PDS5B: variants seen among roughly 807,000 people sequenced by gnomAD.
PDS5B encodes the protein PDS5 cohesin associated factor B, also known as sister chromatid cohesion protein PDS5 homolog B.
PDS5B carries 51 observed loss-of-function variants against 184.1 expected under a neutral mutation model. The observed-to-expected ratio is 0.28, with a 90% CI of 0.22 to 0.35. The LOEUF (loss-of-function observed/expected upper bound fraction) is 0.35. PDS5B is among the 10% of genes least tolerant of loss of function. The pLI is 1.00. For missense variants in PDS5B, 1,180 were observed against 1,723.3 expected (o/e 0.68, Z 5.58); for synonymous variants, 566 against 569.2 (o/e 0.99, Z 0.08).
intron 19 of PDS5B, among the ~76,000 whole-genome samples, chr13:32,717,027 A>G (rs2140911609): frequency 7.5e-6 from 1 of 134,204 alleles, no homozygotes; most frequent in East Asian, 2.2e-4. Context: ...TGGGGGGGTC[A>G]GCCCCCCGCC....
chr13:32,604,074 T>C (rs190043225), intron 1 of PDS5B, among the ~76,000 whole-genome samples: 13 of 152,340 alleles, frequency 8.5e-5, no homozygotes, highest in Admixed American at 2.0e-4. Flanking sequence ...TATTTCTTTC[T>C]CTTGCCTGAT....
At chr13:32,640,901 CA>C (rs1436583426) in intron 1 of PDS5B, among the ~76,000 whole-genome samples, 1 of 151,384 alleles carries the variant, frequency 6.6e-6, no homozygotes, top group Non-Finnish European at 1.5e-5. Context: ...AAAAAAAATA[CA>C]AAAAATTAGC....
chr13:32,655,937 T>C (rs564606350), intron 3 of PDS5B, among the ~76,000 whole-genome samples: 3 of 152,298 alleles, frequency 2.0e-5, no homozygotes, highest in South Asian at 2.1e-4. Flanking sequence ...TAGGTCATCT[T>C]CCAGGGATTT....
rs527835508 is a variant in PDS5B at position 32,749,378 on chromosome 13, T to C, written c.2736+3278T>C. On this transcript the variant is annotated intron_variant, in intron 24 of 34. Transcript: ENST00000315596. ...GGACTATGCTTTGCGCTTTAGTACA[T>C]GTACTTTATTTCTTGAGGCTCTTTA... 2.6e-5 allele frequency among the ~76,000 whole-genome samples: 4 copies of C among 152,372 alleles called. No homozygotes were observed. The South Asian group carries it at 6.2e-4, about 24-fold the overall frequency.
At chr13:32,616,372 A>T (rs555700999) in intron 1 of PDS5B, among the ~76,000 whole-genome samples, 1 of 152,190 alleles carries the variant, frequency 6.6e-6, no homozygotes, top group African/African-American at 2.4e-5. Context: ...TCTCTTTAAA[A>T]TTTTTTTATA....
At chr13:32,711,791 CAT>C (rs1277227557) in intron 19 of PDS5B, among the ~76,000 whole-genome samples, 3 of 152,184 alleles carry the variant, frequency 2.0e-5, no homozygotes, top group African/African-American at 4.8e-5. Flanking sequence ...GTCGCACACA[CAT>C]ATGTAGTACG....
At chr13:32,634,626 C>T (rs1319261153) in intron 1 of PDS5B, among the ~76,000 whole-genome samples, 1 of 151,146 alleles carries the variant, frequency 6.6e-6, no homozygotes, top group Non-Finnish European at 1.5e-5. Context: ...CTCTGTCACC[C>T]AGGCTAGAGT....
At chr13:32,705,691 A>AT (rs1951989620) in intron 17 of PDS5B, among the ~76,000 whole-genome samples, 1 of 152,096 alleles carries the variant, frequency 6.6e-6, no homozygotes. Context: ...GTTTATTTAT[A>AT]TTTTTAGAGA....
intron 1 of PDS5B, among the ~76,000 whole-genome samples, chr13:32,589,394 G>T: frequency 6.6e-6 from 1 of 152,138 alleles, no homozygotes; most frequent in African/African-American, 2.4e-5. Context: ...AAGTTTTGTG[G>T]TTAGCCGTCT....
chr13:32,770,977 C>A, intron 33 of PDS5B: 1 of 542,266 alleles, frequency 1.8e-6, no homozygotes, highest in Non-Finnish European at 3.3e-6. Flanking sequence ...TAAATGAATA[C>A]CAAATAGTAT....
intron 20 of PDS5B, among the ~76,000 whole-genome samples, chr13:32,732,648 G>A (rs1229753690): frequency 1.3e-5 from 2 of 151,988 alleles, no homozygotes; most frequent in Non-Finnish European, 2.9e-5. Flanking sequence ...TAAGTTTATA[G>A]TTTTATGACT....
intron 17 of PDS5B, among the ~76,000 whole-genome samples, chr13:32,704,772 T>C (rs533495940): frequency 5.5e-4 from 84 of 152,324 alleles, no homozygotes; most frequent in Middle Eastern, 3.4e-3. Context: ...ATATGAGACT[T>C]AGTATGTACC....
intron 18 of PDS5B, 44 bp downstream of exon 18, chr13:32,707,083 T>G: frequency 2.0e-6 from 2 of 1,005,906 alleles, no homozygotes; most frequent in Non-Finnish European, 3.0e-6. Flanking sequence ...GATATCTGTT[T>G]AACATATACA....
intron 24 of PDS5B, among the ~76,000 whole-genome samples, chr13:32,747,957 A>C (rs751358892): frequency 6.6e-6 from 1 of 152,216 alleles, no homozygotes; most frequent in South Asian, 2.1e-4. Context: ...ACTGACTTCT[A>C]AGGACTTCCT....
At chr13:32,728,369 G>A (rs1210955154) in intron 19 of PDS5B, among the ~76,000 whole-genome samples, 2 of 152,136 alleles carry the variant, frequency 1.3e-5, no homozygotes, top group African/African-American at 2.4e-5. Flanking sequence ...GTAGGAATGA[G>A]TAATTAACCG....
chr13:32,704,091 G>T (rs1951938109), intron 17 of PDS5B, among the ~76,000 whole-genome samples: 1 of 151,686 alleles, frequency 6.6e-6, no homozygotes, highest in Admixed American at 6.6e-5. Context: ...TCAGCCTTTG[G>T]TATCATATTA....
intron 1 of PDS5B, among the ~76,000 whole-genome samples, chr13:32,604,787 C>T (rs1432339869): frequency 6.6e-6 from 1 of 152,196 alleles, no homozygotes; most frequent in Non-Finnish European, 1.5e-5. Context: ...CAACTTCTTC[C>T]TGGTTTAGTC....
intron 28 of PDS5B, 66 bp from the exon 29 acceptor site, chr13:32,759,562 G>T: frequency 2.9e-6 from 2 of 691,480 alleles, no homozygotes; most frequent in South Asian, 2.7e-5. Flanking sequence ...TGCTTTGTTG[G>T]CTTTTGAACC....
intron 6 of PDS5B, among the ~76,000 whole-genome samples, chr13:32,664,953 A>G (rs1383978825): frequency 6.6e-6 from 1 of 152,230 alleles, no homozygotes; most frequent in Non-Finnish European, 1.5e-5. Flanking sequence ...ATGACCAATA[A>G]TAGCCAAACA....
Sources: gnomAD v4.1 joint callset for allele counts (sites outside exome capture counted in the v4.1 genomes callset) on GRCh38, gnomAD v4.1.1 for gene constraint, MANE v1.5 for transcripts, NCBI Gene and HGNC (gene_info 2026-07-23, HGNC 2026-07-21) for gene names.